The following GALNTL6 variants were observed in gnomAD, a reference collection of about 807,000 sequenced individuals.
GALNTL6 encodes polypeptide N-acetylgalactosaminyltransferase-like 6.
A neutral mutation model predicts 73.7 loss-of-function variants in GALNTL6; 46 were observed. The ratio of observed to expected loss-of-function variants is 0.62; its 90% CI spans 0.49 to 0.80. The LOEUF (loss-of-function observed/expected upper bound fraction) is 0.80. Among genes scored for constraint, GALNTL6 ranks in the 30% least tolerant of loss-of-function variants. The pLI, the probability that GALNTL6 is intolerant of heterozygous loss-of-function variation, is 0.00. For missense variants in GALNTL6, 604 were observed against 755.0 expected, an observed-to-expected ratio of 0.80 and a Z score of 2.34; for synonymous variants, 259 against 263.7, an observed-to-expected ratio of 0.98 and a Z score of 0.17.
At chr4:172,254,110 A>G (rs1390957291) in intron 3 of GALNTL6, among the ~76,000 whole-genome samples, 1 of 151,820 alleles carries the variant, frequency 6.6e-6, no homozygotes, top group African/African-American at 2.4e-5. Context: ...AGAGTTTTTG[A>G]TAAGAAATCA....
intron 7 of GALNTL6, among the ~76,000 whole-genome samples, chr4:172,835,679 C>T (rs570486181): frequency 5.9e-5 from 9 of 152,122 alleles, no homozygotes; most frequent in Non-Finnish European, 1.3e-4. Flanking sequence ...TAGCAAGAAG[C>T]CGAATGCACT....
chr4:172,945,132 CAAAATACTTATACT>C (rs1296251825), intron 9 of GALNTL6, among the ~76,000 whole-genome samples: 1 of 150,098 alleles, frequency 6.7e-6, no homozygotes, highest in Admixed American at 6.6e-5. Context: ...GGATAAAGAT[CAAAATACTTATACT>C]AAGTGAAAGA....
chr4:172,011,989 C>T (rs146073292), intron 2 of GALNTL6, among the ~76,000 whole-genome samples: 128 of 151,966 alleles, frequency 8.4e-4, no homozygotes, highest in Non-Finnish European at 1.6e-3. Context: ...TTAAAAAGTG[C>T]AAGCCTGCTT....
intron 2 of GALNTL6, among the ~76,000 whole-genome samples, chr4:172,057,547 A>G (rs1435076976): frequency 6.7e-6 from 1 of 150,122 alleles, no homozygotes; most frequent in Non-Finnish European, 1.5e-5. Context: ...AAATAAAAAT[A>G]AAAAATAAAA....
At chr4:172,456,726 T>C (rs555244480) in intron 5 of GALNTL6, among the ~76,000 whole-genome samples, 1 of 152,176 alleles carries the variant, frequency 6.6e-6, no homozygotes. Flanking sequence ...CTATGTTTGA[T>C]TGGTGTACCT....
intron 2 of GALNTL6, among the ~76,000 whole-genome samples, chr4:172,188,675 C>T (rs1303017773): frequency 6.6e-6 from 1 of 152,150 alleles, no homozygotes; most frequent in Non-Finnish European, 1.5e-5. Context: ...TCTGGGAAGC[C>T]ATCTCTGAGC....
At position 172,070,988 on chromosome 4, in the gene GALNTL6, C is replaced by T. The variant is rs1337684367; in HGVS notation, c.139-158668C>T. ...GTTAGTTGTGTTGATCCCAGAATCACAGAAACTTATTTAATCACAGAAGGT... is the reference window on the plus strand; with the variant it reads ...GTTAGTTGTGTTGATCCCAGAATCATAGAAACTTATTTAATCACAGAAGGT... On this transcript the variant is annotated intron_variant, in intron 2 of 12. Coordinates refer to ENST00000506823, the MANE Select transcript of GALNTL6 (RefSeq NM_001034845.3). Among the ~76,000 whole-genome samples, 4 of 109,222 alleles carry T rather than the reference C, an allele frequency of 3.7e-5. 1 individual carries two copies. The highest frequency in any genetic ancestry group is 1.4e-4 in the African/African-American group (4 of 28,998). 71.7% of individuals were successfully genotyped at this position (109,222 alleles called of 152,430 possible).
intron 2 of GALNTL6, among the ~76,000 whole-genome samples, chr4:172,172,386 G>A (rs888817098): frequency 6.6e-6 from 1 of 152,058 alleles, no homozygotes; most frequent in Admixed American, 6.5e-5. Context: ...TAGTAGAGAT[G>A]AGGTTTCACT....
chr4:172,592,205 G>A (rs1361466752), intron 5 of GALNTL6, among the ~76,000 whole-genome samples: 1 of 152,174 alleles, frequency 6.6e-6, no homozygotes, highest in East Asian at 1.9e-4. Flanking sequence ...TGGCAGAGAA[G>A]GTCAAAGGGG....
intron 4 of GALNTL6, among the ~76,000 whole-genome samples, chr4:172,316,165 A>G (rs72702883): frequency 0.019 from 2,903 of 152,278 alleles, 47 homozygotes; most frequent in Middle Eastern, 0.051. Context: ...AGAAAAATTC[A>G]TATCTATGAA....
At chr4:172,106,676 G>T (rs1732682928) in intron 2 of GALNTL6, among the ~76,000 whole-genome samples, 2 of 151,960 alleles carry the variant, frequency 1.3e-5, no homozygotes, top group Non-Finnish European at 2.9e-5. Flanking sequence ...AAATAAATAA[G>T]ATTCTGTGAA....
chr4:173,036,635 T>C (rs1753707644), intron 12 of GALNTL6, among the ~76,000 whole-genome samples: 1 of 151,436 alleles, frequency 6.6e-6, no homozygotes, highest in African/African-American at 2.4e-5. Flanking sequence ...ATAGATGGAG[T>C]AGGCATCCAG....
intron 5 of GALNTL6, among the ~76,000 whole-genome samples, chr4:172,669,605 G>A (rs1020010452): frequency 2.0e-5 from 3 of 152,112 alleles, no homozygotes; most frequent in Non-Finnish European, 2.9e-5. Flanking sequence ...GAATTTTTTT[G>A]TAAGTGTTCT....
At chr4:172,951,720 A>C (rs1749451792) in intron 9 of GALNTL6, among the ~76,000 whole-genome samples, 1 of 152,226 alleles carries the variant, frequency 6.6e-6, no homozygotes, top group African/African-American at 2.4e-5. Flanking sequence ...AAAAATAAAA[A>C]ATGTATAATC....
At chr4:172,037,374 T>C (rs758287446) in intron 2 of GALNTL6, among the ~76,000 whole-genome samples, 4 of 152,176 alleles carry the variant, frequency 2.6e-5, no homozygotes, top group Non-Finnish European at 5.9e-5. Context: ...CTTCCTCTCA[T>C]TCTCCATAGC....
intron 7 of GALNTL6, among the ~76,000 whole-genome samples, chr4:172,829,968 A>G (rs1020933668): frequency 6.6e-6 from 1 of 152,252 alleles, no homozygotes; most frequent in Non-Finnish European, 1.5e-5. Flanking sequence ...TCTTTGAAAG[A>G]CAATATCCCC....
chr4:172,566,981 G>C (rs1424558827), intron 5 of GALNTL6, among the ~76,000 whole-genome samples: 1 of 149,976 alleles, frequency 6.7e-6, no homozygotes, highest in African/African-American at 2.5e-5. Context: ...CTAGTTTTTT[G>C]AAAAAGGCTT....
At chr4:172,170,502 T>C (rs1734778181) in intron 2 of GALNTL6, among the ~76,000 whole-genome samples, 1 of 146,636 alleles carries the variant, frequency 6.8e-6, no homozygotes, top group South Asian at 2.1e-4. Flanking sequence ...GGAAGTTTCT[T>C]TGGTGGTTTT....
chr4:171,925,741 A>T (rs192747761), intron 2 of GALNTL6, among the ~76,000 whole-genome samples: 65 of 152,304 alleles, frequency 4.3e-4, no homozygotes, highest in African/African-American at 1.6e-3. Flanking sequence ...TTAAAAAATT[A>T]ATGTGAAAGA....
Sources: allele counts gnomAD v4.1 joint callset (sites outside exome capture counted in the v4.1 genomes callset), GRCh38; gene constraint gnomAD v4.1.1; transcripts MANE v1.5; gene names NCBI Gene and HGNC (gene_info 2026-07-23, HGNC 2026-07-21).